ELF1: variants seen among roughly 807,000 people sequenced by gnomAD.
ELF1 encodes ETS-related transcription factor Elf-1.
In ELF1, 24 loss-of-function variants were observed where a neutral mutation model predicts 59.9. The ratio of observed to expected loss-of-function variants is 0.40; its 90% CI spans 0.29 to 0.56. ELF1 has a LOEUF of 0.56. ELF1 is among the 20% of genes least tolerant of loss of function. The pLI is 0.44. For synonymous variants in ELF1, 248 were observed against 266.2 expected (o/e 0.93, Z 0.67); for missense variants, 627 against 742.2 (o/e 0.84, Z 1.80).
upstream of ELF1, among the ~76,000 whole-genome samples, chr13:41,022,503 T>C (rs1461711815): frequency 6.6e-6 from 1 of 152,142 alleles, no homozygotes; most frequent in Admixed American, 6.5e-5. Context: ...CTTATGTACA[T>C]TGTCAAAATT....
intron 1 of ELF1, among the ~76,000 whole-genome samples, chr13:41,049,398 G>A (rs564297510): frequency 3.9e-5 from 6 of 152,208 alleles, no homozygotes; most frequent in Admixed American, 3.3e-4. Context: ...GTACAAAAAA[G>A]TACATCATTT....
At position 41,037,580 on chromosome 13, in the gene ELF1, A is replaced by AG. The variant is rs561638770; in HGVS notation, c.-229+23257dup. On this transcript the variant is annotated intron_variant, in intron 1 of 1. Transcript: ENST00000405737. ...GGGAGACCGAGGCGGATGGATCATG[A>AG]GGTCAGGAGTTTGAGACCAGCCTGG... 3.9e-3 allele frequency among the ~76,000 whole-genome samples: 594 copies of AG among 152,268 alleles called. 4 individuals are homozygous for AG. Among genetic ancestry groups the AG allele is most frequent in the South Asian group, 0.011 (51 of 4,830 alleles).
intron 3 of ELF1, among the ~76,000 whole-genome samples, chr13:40,954,427 C>G (rs532290784): frequency 1.3e-5 from 2 of 149,470 alleles, no homozygotes; most frequent in African/African-American, 5.0e-5. Flanking sequence ...GTAGCTCTCC[C>G]TCTCCCCACG....
At chr13:40,938,005 C>T (rs867049246) in intron 8 of ELF1, among the ~76,000 whole-genome samples, 5 of 151,526 alleles carry the variant, frequency 3.3e-5, no homozygotes, top group Non-Finnish European at 7.4e-5. Context: ...TTAGTAGAGA[C>T]GGGGTTTTGC....
chr13:41,023,294 C>T (rs1355137713), upstream of ELF1, among the ~76,000 whole-genome samples: 1 of 152,110 alleles, frequency 6.6e-6, no homozygotes, highest in East Asian at 1.9e-4. Flanking sequence ...TACAAAAATA[C>T]AGAATACTCT....
chr13:41,039,336 TAAAA>T (rs747996967), intron 1 of ELF1, among the ~76,000 whole-genome samples: 2 of 102,896 alleles, frequency 1.9e-5, no homozygotes, highest in Non-Finnish European at 4.4e-5. Flanking sequence ...GTCCTTTTTT[TAAAA>T]AAAAAAAAAA....
At chr13:40,981,206 C>T (rs976079408) in intron 2 of ELF1, among the ~76,000 whole-genome samples, 69 of 152,156 alleles carry the variant, frequency 4.5e-4, no homozygotes, top group Admixed American at 4.5e-3. Context: ...TCCTAGTACC[C>T]TGTCTGAGTC....
chr13:40,990,011 G>T (rs1206899981), intron 1 of ELF1, among the ~76,000 whole-genome samples: 1 of 146,144 alleles, frequency 6.8e-6, no homozygotes, highest in Non-Finnish European at 1.5e-5. Flanking sequence ...AACATTGGTG[G>T]AGTACAATAT....
At position 41,007,662 on chromosome 13, in the gene ELF1, G is replaced by GAA. The variant is rs920188941; in HGVS notation, c.-229+11564_-229+11565dup. Among the ~76,000 whole-genome samples, 10 of 151,972 alleles carry GAA rather than the reference G, an allele frequency of 6.6e-5. No homozygotes were observed. The East Asian group carries it at 1.3e-3, about 20-fold the overall frequency. ...CCTCATTAGAGAGGTGCCAAAAACA[G>GAA]AAAAATACTGTGTTATAAGCTTGTA... On this transcript the variant is annotated intron_variant, in intron 1 of 8. Transcript: ENST00000239882.
chr13:40,980,629 G>A (rs531080049), intron 2 of ELF1, among the ~76,000 whole-genome samples: 1 of 152,040 alleles, frequency 6.6e-6, no homozygotes, highest in East Asian at 1.9e-4. Context: ...TTAGTGAGTG[G>A]CTTAGGGCTT....
At chr13:41,032,072 C>T (rs1434088201) in intron 1 of ELF1, among the ~76,000 whole-genome samples, 1 of 151,964 alleles carries the variant, frequency 6.6e-6, no homozygotes, top group East Asian at 1.9e-4. Context: ...AAAGGGTCAT[C>T]TTAAATACAC....
At chr13:41,016,027 T>A (rs1875338987) in intron 1 of ELF1, among the ~76,000 whole-genome samples, 1 of 152,214 alleles carries the variant, frequency 6.6e-6, no homozygotes, top group Non-Finnish European at 1.5e-5. Flanking sequence ...CGTTCAGCAT[T>A]CATCATTCCT....
chr13:40,990,902 TG>T (rs1873818821), intron 1 of ELF1, among the ~76,000 whole-genome samples: 1 of 149,690 alleles, frequency 6.7e-6, no homozygotes, highest in Non-Finnish European at 1.5e-5. Flanking sequence ...ACATAATAGA[TG>T]CTAACTCAGC....
At chr13:41,042,146 C>T (rs1444909890) in intron 1 of ELF1, among the ~76,000 whole-genome samples, 1 of 152,090 alleles carries the variant, frequency 6.6e-6, no homozygotes, top group African/African-American at 2.4e-5. Flanking sequence ...CCTGAGCCTC[C>T]TGAGTACCTA....
intron 8 of ELF1, among the ~76,000 whole-genome samples, chr13:40,937,856 C>A (rs1381926530): frequency 6.6e-6 from 1 of 151,636 alleles, no homozygotes; most frequent in Non-Finnish European, 1.5e-5. Flanking sequence ...ACTCTGTAGC[C>A]CCAGCTGGAG....
At chr13:40,970,036 GA>G (rs950801742) in intron 2 of ELF1, among the ~76,000 whole-genome samples, 6 of 150,616 alleles carry the variant, frequency 4.0e-5, no homozygotes, top group African/African-American at 7.3e-5. Context: ...CATTTTCAAA[GA>G]AAAAAAAATC....
chr13:40,961,959 G>T (rs942421822), intron 2 of ELF1, among the ~76,000 whole-genome samples: 1 of 152,198 alleles, frequency 6.6e-6, no homozygotes, highest in African/African-American at 2.4e-5. Flanking sequence ...CCTGTAGCTT[G>T]GGTAGAGAGT....
At chr13:40,986,818 T>C (rs553887543) in intron 1 of ELF1, among the ~76,000 whole-genome samples, 55 of 152,056 alleles carry the variant, frequency 3.6e-4, no homozygotes, top group Non-Finnish European at 6.3e-4. Flanking sequence ...CTAAAAAAAA[T>C]ATGATAGTCA....
At chr13:40,953,509 A>G (rs950933854) in intron 3 of ELF1, among the ~76,000 whole-genome samples, 7 of 152,216 alleles carry the variant, frequency 4.6e-5, no homozygotes, top group African/African-American at 1.4e-4. Flanking sequence ...CAAGTCACCT[A>G]TAAGTCCAGA....
Sources: gnomAD v4.1 joint callset for allele counts (sites outside exome capture counted in the v4.1 genomes callset) on GRCh38, gnomAD v4.1.1 for gene constraint, MANE v1.5 for transcripts, NCBI Gene and HGNC (gene_info 2026-07-23, HGNC 2026-07-21) for gene names.